The following SCYL1 variants were observed in gnomAD, a reference collection of about 807,000 sequenced individuals.
SCYL1 encodes the protein N-terminal kinase-like protein.
SCYL1 carries 85 observed loss-of-function variants against 94.8 expected under a neutral mutation model. The ratio of observed to expected loss-of-function variants is 0.90; its 90% confidence interval spans 0.75 to 1.07. SCYL1 has a LOEUF of 1.07. Among genes scored for constraint, SCYL1 ranks in the 50% least tolerant of loss-of-function variants. The probability of loss-of-function intolerance (pLI) is 0.00; values close to 1 mark genes in which losing one functional copy is unlikely to be tolerated. For synonymous variants in SCYL1, 459 were observed against 435.5 expected, an observed-to-expected ratio of 1.05 and a Z score of -0.67; for missense variants, 968 against 1,083.3, an observed-to-expected ratio of 0.89 and a Z score of 1.49.
rs1443453553 is a variant in SCYL1, at chr11:65,538,321, A to C, written c.2299A>C (p.Ser767Arg). Residue 767 changes from serine to arginine, a missense_variant, in exon 17 of 18, where the codon AGT becomes CGT. Transcript: ENST00000270176. The stretch of plus-strand genomic sequence containing the variant: ...CAACTGGGAGGGCCTCGAGACTGAC[A>C]GTCGTAAGTGCTTCCCCTGGGTGGG... ...EDNWEGLETD[S>R]RQVKAELARK... 3 of 1,548,678 alleles carry C rather than the reference A, an allele frequency of 1.9e-6. No individual in the cohort carries two copies. The highest frequency in any genetic ancestry group is 4.0e-5 in the Admixed American group (2 of 50,290).
At chr11:65,531,767 G>A (rs1250769553) in intron 8 of SCYL1, 84 bp downstream of exon 8, 2 of 999,970 alleles carry the variant, frequency 2.0e-6, no homozygotes, top group Non-Finnish European at 3.1e-6. Flanking sequence ...GGCTGCACAG[G>A]GACCCCAGAA....
chr11:65,528,914 A>G (rs1368072835), intron 6 of SCYL1, among the ~76,000 whole-genome samples: 1 of 152,222 alleles, frequency 6.6e-6, no homozygotes, highest in African/African-American at 2.4e-5. Context: ...AGTTCCAGGC[A>G]GAGGCGACAG....
At chr11:65,525,348 C>T in intron 1 of SCYL1, 84 bp downstream of exon 1, 3 of 1,156,530 alleles carry the variant, frequency 2.6e-6, no homozygotes, top group Non-Finnish European at 3.5e-6. Flanking sequence ...TTGCGCCCGG[C>T]CTGACGTGGC....
Position 65,536,076 on chromosome 11 carries a change from G to C in SCYL1, c.1510G>C (p.Ala504Pro). The change falls in exon 11 of 18, where the codon GCC (alanine) becomes CCC (proline). Residue 504 changes from alanine to proline, a missense_variant. Physicochemically the swap from Ala to Pro is conservative, Grantham distance 27. Transcript: ENST00000270176. Reference protein sequence around the residue: ...THNLYSMNDCAQKILPVLCGL... With the variant: ...THNLYSMNDCPQKILPVLCGL... The stretch of plus-strand genomic sequence containing the variant: ...CAACCTCTACTCAATGAACGACTGT[G>C]CCCAGAAGATCCTGCCTGTGCTCTG... The C allele has an allele frequency of 6.2e-7, 1 of 1,614,216 alleles. No individual in the cohort carries two copies. The highest frequency in any genetic ancestry group is 8.5e-7 in the Non-Finnish European group (1 of 1,180,028).
chr11:65,538,421 G>T, intron 17 of SCYL1, 21 bp from the exon 18 acceptor site: 1 of 1,544,204 alleles, frequency 6.5e-7, no homozygotes, highest in Non-Finnish European at 8.7e-7. Flanking sequence ...CTGAGACCGG[G>T]GCTCCCCTTC....
At chr11:65,534,015 G>T (rs1000061551) in intron 9 of SCYL1, among the ~76,000 whole-genome samples, 6 of 152,020 alleles carry the variant, frequency 3.9e-5, no homozygotes, top group Non-Finnish European at 8.8e-5. Flanking sequence ...GATCACAAGG[G>T]CAGGAGATCA....
In SCYL1 at chr11:65,526,077, A is replaced by T. The variant is rs1408109350; in HGVS notation, c.375+34A>T. On this transcript the variant is annotated intron_variant, in intron 3 of 17. Transcript: ENST00000270176. This position sits in a 1 kb window ranked among gnomAD's most constrained non-coding sequence, Gnocchi z 4.1. ...GGGGGCAGTGGTGATGAGAGCAGGGATGGGGGGTTGCAGGTGCTGGGGCGT... is the reference window on the plus strand; with the variant it reads ...GGGGGCAGTGGTGATGAGAGCAGGGTTGGGGGGTTGCAGGTGCTGGGGCGT... The T allele has an allele frequency of 1.3e-6, 2 of 1,598,756 alleles. No homozygotes were observed. The highest frequency in any genetic ancestry group is 2.2e-5 in the South Asian group (2 of 90,608).
In SCYL1 at chr11:65,537,803, C is replaced by T. The variant is rs758597695; in HGVS notation, c.1960-6C>T. The T allele has an allele frequency of 2.6e-6, 4 of 1,555,196 alleles. No homozygotes were observed. The highest frequency in any genetic ancestry group is 8.7e-7 in the Non-Finnish European group (1 of 1,149,234). ...TGGGAGTCAGTGGTCCCTTCCCACACTGCAGCAGGAGGCCGAGTCTGTGCT... is the reference window on the plus strand; with the variant it reads ...TGGGAGTCAGTGGTCCCTTCCCACATTGCAGCAGGAGGCCGAGTCTGTGCT... On this transcript the variant is annotated splice_region_variant and splice_polypyrimidine_tract_variant and intron_variant, in intron 14 of 17. Coordinates refer to ENST00000270176, the MANE Select transcript of SCYL1 (RefSeq NM_020680.4).
At chr11:65,532,861 C>A in intron 9 of SCYL1, 56 bp downstream of exon 9, 2 of 1,345,876 alleles carry the variant, frequency 1.5e-6, no homozygotes, top group Non-Finnish European at 1.1e-6. Flanking sequence ...CTTGGAGGGG[C>A]TCACCCTAGA....
In SCYL1 at chr11:65,525,778, C is replaced by T. The variant is rs889659654; in HGVS notation, c.252+64C>T. On this transcript the variant is annotated intron_variant, in intron 2 of 17. Coordinates refer to ENST00000270176, the MANE Select transcript of SCYL1 (RefSeq NM_020680.4). The stretch of plus-strand genomic sequence containing the variant: ...ATGTCCTGGTTACCCACTCCTGTCT[C>T]CCCTCCTGCCCTGTTTCCACCCTAT... 1.9e-6 allele frequency: 3 copies of T among 1,596,772 alleles called. No individual in the cohort carries two copies. In the South Asian group the frequency reaches 3.4e-5, roughly 18 times the overall value.
At chr11:65,525,301 T>G in intron 1 of SCYL1, 37 bp downstream of exon 1, 1 of 1,353,480 alleles carries the variant, frequency 7.4e-7, no homozygotes, top group Non-Finnish European at 9.7e-7. Context: ...GCGGTCGACC[T>G]GGGCCTTGCC....
chr11:65,526,744 G>A lies in SCYL1; in HGVS notation c.603-39G>A, dbSNP rs745580014. ...AGGCAGGCTGGAGGCCTGTGCAGGT[G>A]GTTGGTGGGGCCCTAAGAGCTCTGG... On this transcript the variant is annotated intron_variant, in intron 4 of 17. Transcript: ENST00000270176. This position sits in a 1 kb window ranked among gnomAD's most constrained non-coding sequence, Gnocchi z 4.1. 2 of 1,589,666 alleles carry A rather than the reference G, an allele frequency of 1.3e-6. No individual in the cohort carries two copies. The highest frequency in any genetic ancestry group is 2.2e-5 in the South Asian group (2 of 90,020).
Position 65,531,575 on chromosome 11 carries a change from G to T in SCYL1, c.1009-1G>T. 1 of 1,611,788 alleles carries T rather than the reference G, an allele frequency of 6.2e-7. No homozygotes were observed. Among genetic ancestry groups the T allele is most frequent in the Non-Finnish European group, 8.5e-7 (1 of 1,177,944 alleles). On this transcript the variant is annotated splice_acceptor_variant, in intron 7 of 17. Transcript: ENST00000270176. LOFTEE classifies it high-confidence loss of function. ...CTGAACCCATCTTCCTGCCCTTTCA[G>T]GTGGGCAAGTTCCTGAGCGCTGAGG...
Position 65,538,035 on chromosome 11 carries a change from C to T in SCYL1, c.2100C>T (p.Gly700=), listed in dbSNP as rs1199704845. 2 of 1,612,266 alleles carry T rather than the reference C, an allele frequency of 1.2e-6. No individual in the cohort carries two copies. Among genetic ancestry groups the T allele is most frequent in the Admixed American group, 1.7e-5 (1 of 59,764 alleles). ...ACTGGAGCAGCTGGGAAGCTGAGGG[C>T]TCCTGGGAACAGGGCTGGCAGGAGC... The part of the protein sequence containing the change: ...ESDWSSWEAE[G]SWEQGWQEPS... The change falls in exon 16 of 18, where the codon GGC becomes GGT. Residue 700 remains glycine, a synonymous_variant. Coordinates refer to ENST00000270176, the MANE Select transcript of SCYL1 (RefSeq NM_020680.4).
chr11:65,537,273 A>G (rs1855716045), intron 14 of SCYL1, 145 bp downstream of exon 14: 2 of 890,350 alleles, frequency 2.2e-6, no homozygotes, highest in Admixed American at 2.5e-5. Flanking sequence ...TGGAGTGGCC[A>G]TTGTAGGCCA....
In SCYL1 at chr11:65,530,742, C is replaced by T. The variant is rs1456994869; in HGVS notation, c.963C>T (p.Phe321=). The T allele has an allele frequency of 1.1e-5, 17 of 1,614,000 alleles. No homozygotes were observed. Among genetic ancestry groups the T allele is most frequent in the South Asian group, 4.4e-5 (4 of 91,078 alleles). The change falls in exon 7 of 18, where the codon TTC becomes TTT. Residue 321 remains phenylalanine, a synonymous_variant. Coordinates refer to ENST00000270176, the MANE Select transcript of SCYL1 (RefSeq NM_020680.4). ...HKVLPQLLTA[F]EFGNAGAVVL... is the part of the protein sequence containing the mutation. ...TGCTGCCCCAGCTGCTGACCGCCTT[C>T]GAGTTCGGCAATGCTGGGGCCGTTG...
chr11:65,525,237 C>G lies in SCYL1; in HGVS notation c.84C>G (p.Pro28=). ...PEPPEGGLPG[P]WALHRGRKKA... ...CCCCAGAGGGCGGCCTGCCCGGGCCCTGGGCCCTGCACCGCGGCCGCAAGA... is the reference window on the plus strand; with the variant it reads ...CCCCAGAGGGCGGCCTGCCCGGGCCGTGGGCCCTGCACCGCGGCCGCAAGA... Residue 28 remains proline (P), a synonymous_variant, in exon 1 of 18, where the codon CCC becomes CCG. Coordinates refer to ENST00000270176, the MANE Select transcript of SCYL1 (RefSeq NM_020680.4). The G allele has an allele frequency of 6.9e-7, 1 of 1,458,754 alleles. No individual in the cohort carries two copies. Among genetic ancestry groups the G allele is most frequent in the Non-Finnish European group, 9.1e-7 (1 of 1,102,348 alleles). The allele number at this position is 1,458,754 out of a possible 1,614,324, so 90.4% of individuals were successfully genotyped here.
chr11:65,531,756 T>A, intron 8 of SCYL1, 73 bp downstream of exon 8: 1 of 1,127,716 alleles, frequency 8.9e-7, no homozygotes, highest in Non-Finnish European at 1.3e-6. Context: ...GCACCTGCCC[T>A]GGCTGCACAG....
In SCYL1 at chr11:65,537,837, A is replaced by G. The variant is rs1350955300; in HGVS notation, c.1988A>G (p.Gln663Arg). Residue 663 changes from glutamine to arginine, a missense_variant, in exon 15 of 18, where the codon CAG becomes CGG. By Grantham distance (43) the Gln-to-Arg change is conservative (BLOSUM62 1). Transcript: ENST00000270176. ...EQEAESVLAQ[Q>R]DDWSTGGQVS... ...GAGGCCGAGTCTGTGCTGGCCCAGCAGGACGACTGGAGCACCGGGGGCCAA... is the reference window on the plus strand; with the variant it reads ...GAGGCCGAGTCTGTGCTGGCCCAGCGGGACGACTGGAGCACCGGGGGCCAA... 3 of 1,572,362 alleles carry G rather than the reference A, an allele frequency of 1.9e-6. No homozygotes were observed. The South Asian group carries it at 3.5e-5, about 18-fold the overall frequency.
Sources: allele counts gnomAD v4.1 joint callset (sites outside exome capture counted in the v4.1 genomes callset), GRCh38; gene constraint gnomAD v4.1.1; non-coding constraint Gnocchi (gnomAD v3.1); transcripts MANE v1.5; gene names NCBI Gene and HGNC (gene_info 2026-07-23, HGNC 2026-07-21).